The following SGCZ variants were observed in gnomAD, a reference collection of about 807,000 sequenced individuals.
SGCZ encodes the protein sarcoglycan zeta, also known as zeta-sarcoglycan.
Under a neutral mutation model 41.3 loss-of-function variants are expected in SGCZ, and 40 were observed. The observed-to-expected ratio is 0.97, with a 90% confidence interval of 0.75 to 1.26. The LOEUF is 1.26. Ranked by LOEUF, SGCZ falls within the 50% of genes most tolerant of loss-of-function variation. The pLI, the probability that SGCZ is intolerant of heterozygous loss-of-function variation, is 0.00. For missense variants in SGCZ, 552 were observed against 369.8 expected (o/e 1.49, Z -4.04); for synonymous variants, 206 against 137.5 (o/e 1.50, Z -3.49).
At chr8:14,630,654 A>C (rs1372749600) in intron 1 of SGCZ, among the ~76,000 whole-genome samples, 1 of 151,952 alleles carries the variant, frequency 6.6e-6, no homozygotes, top group Non-Finnish European at 1.5e-5. Flanking sequence ...TGGATTAAGA[A>C]AATGTGACAC....
intron 1 of SGCZ, among the ~76,000 whole-genome samples, chr8:14,811,597 G>T (rs981538196): frequency 3.5e-5 from 4 of 114,276 alleles, no homozygotes. Flanking sequence ...GCCAGAAAAA[G>T]AGAAGGTTTT....
intron 1 of SGCZ, among the ~76,000 whole-genome samples, chr8:15,025,504 G>T (rs546668048): frequency 6.6e-6 from 1 of 152,316 alleles, no homozygotes; most frequent in South Asian, 2.1e-4. Context: ...TGATAAAAGA[G>T]AGTGCTAAAA....
intron 2 of SGCZ, among the ~76,000 whole-genome samples, chr8:14,365,676 A>G (rs1217077614): frequency 1.3e-5 from 2 of 152,162 alleles, no homozygotes; most frequent in Non-Finnish European, 2.9e-5. Context: ...GAAGGTTAGA[A>G]ATAATGGATA....
chr8:14,748,184 G>A (rs1351954576), intron 1 of SGCZ, among the ~76,000 whole-genome samples: 1 of 151,986 alleles, frequency 6.6e-6, no homozygotes, highest in Admixed American at 6.6e-5. Context: ...CTGTGCTGAG[G>A]TTTTTACATA....
intron 4 of SGCZ, among the ~76,000 whole-genome samples, chr8:14,213,520 A>AT (rs1323766850): frequency 6.6e-6 from 1 of 152,274 alleles, no homozygotes; most frequent in Admixed American, 6.5e-5. Context: ...AGAATATGTT[A>AT]TCAGTAGATC....
chr8:14,702,970 T>TAGATAGATAGACAGAC (rs1481150630), intron 1 of SGCZ, among the ~76,000 whole-genome samples: 7 of 129,120 alleles, frequency 5.4e-5, no homozygotes, highest in Non-Finnish European at 6.7e-5. Flanking sequence ...GATAGATAGA[T>TAGATAGATAGACAGAC]AGACAGACAG....
intron 1 of SGCZ, among the ~76,000 whole-genome samples, chr8:15,017,786 G>A (rs992439567): frequency 5.9e-5 from 9 of 152,214 alleles, no homozygotes; most frequent in African/African-American, 1.9e-4. Flanking sequence ...GATTTCAGGT[G>A]TGAGCCGTGG....
At chr8:14,560,588 C>CTT (rs1171272515) in intron 1 of SGCZ, among the ~76,000 whole-genome samples, 1 of 152,032 alleles carries the variant, frequency 6.6e-6, no homozygotes, top group African/African-American at 2.4e-5. Flanking sequence ...ATCGAATCCC[C>CTT]TTTATCTCAT....
chr8:15,089,038 C>A (rs749270279), intron 1 of SGCZ, among the ~76,000 whole-genome samples: 1 of 152,230 alleles, frequency 6.6e-6, no homozygotes, highest in Non-Finnish European at 1.5e-5. Context: ...TAATGAGCAA[C>A]ACATTTTATT....
chr8:14,990,941 C>T (rs1484185295), intron 1 of SGCZ, among the ~76,000 whole-genome samples: 2 of 152,056 alleles, frequency 1.3e-5, no homozygotes, highest in Non-Finnish European at 2.9e-5. Flanking sequence ...TTTAGAGTTA[C>T]CCAGGAGGGC....
At chr8:15,124,413 G>C (rs930785994) in intron 1 of SGCZ, among the ~76,000 whole-genome samples, 10 of 152,184 alleles carry the variant, frequency 6.6e-5, no homozygotes, top group African/African-American at 1.7e-4. Context: ...GCAACCTGAT[G>C]ATGGGGCAAA....
At chr8:14,915,196 CA>C in intron 1 of SGCZ, among the ~76,000 whole-genome samples, 1 of 152,168 alleles carries the variant, frequency 6.6e-6, no homozygotes, top group East Asian at 1.9e-4. Flanking sequence ...TAACAATTTA[CA>C]AATATACCTG....
chr8:14,830,358 A>C (rs1802483606), intron 1 of SGCZ, among the ~76,000 whole-genome samples: 1 of 152,148 alleles, frequency 6.6e-6, no homozygotes, highest in Non-Finnish European at 1.5e-5. Flanking sequence ...TCTGTATGAC[A>C]TCAATTTGTT....
chr8:14,210,469 T>C (rs1286147068), intron 4 of SGCZ, among the ~76,000 whole-genome samples: 1 of 149,456 alleles, frequency 6.7e-6, no homozygotes, highest in African/African-American at 2.5e-5. Flanking sequence ...ACTTGAACTT[T>C]TTTTTTTTTT....
chr8:14,659,218 T>C (rs1283756351), intron 1 of SGCZ, among the ~76,000 whole-genome samples: 2 of 152,162 alleles, frequency 1.3e-5, no homozygotes, highest in Admixed American at 6.5e-5. Context: ...ACGTAGTATA[T>C]ACTTCAAGAC....
chr8:14,540,910 G>A (rs1370083155), intron 2 of SGCZ, among the ~76,000 whole-genome samples: 1 of 151,170 alleles, frequency 6.6e-6, no homozygotes, highest in Non-Finnish European at 1.5e-5. Context: ...GTTCTTTACT[G>A]CTTGTTATGA....
At chr8:14,637,878 C>G (rs928252092) in intron 1 of SGCZ, among the ~76,000 whole-genome samples, 1 of 151,676 alleles carries the variant, frequency 6.6e-6, no homozygotes, top group Non-Finnish European at 1.5e-5. Context: ...TGTTTTAAGT[C>G]CTTTGAGAAG....
intron 2 of SGCZ, among the ~76,000 whole-genome samples, chr8:14,473,425 T>G (rs2116984014): frequency 6.6e-6 from 1 of 152,264 alleles, no homozygotes; most frequent in East Asian, 1.9e-4. Context: ...ATCATGAATT[T>G]TTCACCATCA....
intron 1 of SGCZ, among the ~76,000 whole-genome samples, chr8:15,186,532 G>A (rs969751226): frequency 1.3e-5 from 2 of 152,060 alleles, no homozygotes; most frequent in Non-Finnish European, 2.9e-5. Flanking sequence ...AAGATCATCA[G>A]CATATATAAA....
Sources: gnomAD v4.1 joint callset for allele counts (sites outside exome capture counted in the v4.1 genomes callset) on GRCh38, gnomAD v4.1.1 for gene constraint, MANE v1.5 for transcripts, NCBI Gene and HGNC (gene_info 2026-07-23, HGNC 2026-07-21) for gene names.